SPIDR: variants seen among roughly 807,000 people sequenced by gnomAD.
SPIDR encodes DNA repair-scaffolding protein.
SPIDR carries 93 observed loss-of-function variants against 104.6 expected under a neutral mutation model. The ratio of observed to expected loss-of-function variants is 0.89; its 90% CI spans 0.75 to 1.06. The LOEUF is 1.06. Ranked by LOEUF, SPIDR falls within the 50% of genes least tolerant of loss-of-function variation. SPIDR has a pLI of 0.00. For synonymous variants in SPIDR, 431 were observed against 416.9 expected (o/e 1.03, Z -0.41); for missense variants, 1,154 against 1,111.2 (o/e 1.04, Z -0.55).
At chr8:47,279,621 G>A (rs1202420664) in intron 1 of SPIDR, among the ~76,000 whole-genome samples, 1 of 152,140 alleles carries the variant, frequency 6.6e-6, no homozygotes, top group Non-Finnish European at 1.5e-5. Context: ...CCAGACTTTG[G>A]AGGGTTGGTG....
At chr8:47,514,849 G>A (rs1029336722) in intron 8 of SPIDR, among the ~76,000 whole-genome samples, 3 of 152,098 alleles carry the variant, frequency 2.0e-5, no homozygotes, top group Non-Finnish European at 4.4e-5. Context: ...ACCTCTGACT[G>A]CTTTCAAAGG....
At chr8:47,731,707 C>G (rs1479056137) in intron 19 of SPIDR, among the ~76,000 whole-genome samples, 1 of 152,208 alleles carries the variant, frequency 6.6e-6, no homozygotes, top group African/African-American at 2.4e-5. Context: ...ACCGACCACA[C>G]AGCAGTGCCT....
chr8:47,273,270 C>T (rs375545333), intron 1 of SPIDR, among the ~76,000 whole-genome samples: 1 of 152,090 alleles, frequency 6.6e-6, no homozygotes, highest in Non-Finnish European at 1.5e-5. Flanking sequence ...TCCTTAGGTT[C>T]GATTAATTTG....
At chr8:47,328,062 T>C (rs1367067384) in intron 5 of SPIDR, among the ~76,000 whole-genome samples, 1 of 151,896 alleles carries the variant, frequency 6.6e-6, no homozygotes, top group Non-Finnish European at 1.5e-5. Flanking sequence ...CAATAGTTTT[T>C]AGTTTTGAAA....
intron 6 of SPIDR, among the ~76,000 whole-genome samples, chr8:47,401,727 G>A (rs1323957319): frequency 6.6e-6 from 1 of 152,094 alleles, no homozygotes; most frequent in African/African-American, 2.4e-5. Flanking sequence ...AAGATCAAAA[G>A]AGACAAAGAA....
intron 8 of SPIDR, among the ~76,000 whole-genome samples, chr8:47,483,335 G>A (rs1442666845): frequency 6.6e-6 from 1 of 151,920 alleles, no homozygotes; most frequent in South Asian, 2.1e-4. Context: ...TTCCTGCCAG[G>A]CAAAAAGAAT....
intron 5 of SPIDR, among the ~76,000 whole-genome samples, chr8:47,370,819 G>GA (rs1176905079): frequency 6.6e-6 from 1 of 151,016 alleles, no homozygotes; most frequent in African/African-American, 2.4e-5. Context: ...CACTGAATAT[G>GA]AAAAAAAAAT....
intron 6 of SPIDR, among the ~76,000 whole-genome samples, chr8:47,403,057 A>G (rs1277284249): frequency 4.6e-5 from 7 of 152,238 alleles, no homozygotes; most frequent in African/African-American, 1.7e-4. Flanking sequence ...GCATACGCAA[A>G]TCAGTAAACG....
intron 2 of SPIDR, among the ~76,000 whole-genome samples, chr8:47,281,466 CA>C (rs2037763340): frequency 6.6e-6 from 1 of 152,214 alleles, no homozygotes; most frequent in Non-Finnish European, 1.5e-5. Flanking sequence ...ACTGCTTTAT[CA>C]ACTAAGTTTA....
At chr8:47,564,203 C>T (rs1052111075) in intron 8 of SPIDR, among the ~76,000 whole-genome samples, 7 of 151,280 alleles carry the variant, frequency 4.6e-5, no homozygotes, top group East Asian at 2.0e-4. Flanking sequence ...CTCAGCCTCC[C>T]GAGTAGCTGG....
chr8:47,543,844 G>A (rs899828947), intron 8 of SPIDR, among the ~76,000 whole-genome samples: 1 of 152,136 alleles, frequency 6.6e-6, no homozygotes, highest in Non-Finnish European at 1.5e-5. Flanking sequence ...AAGCTGGTGG[G>A]CTGTCACATC....
At chr8:47,463,129 C>G (rs1376113773) in intron 8 of SPIDR, among the ~76,000 whole-genome samples, 2 of 152,010 alleles carry the variant, frequency 1.3e-5, no homozygotes, top group Admixed American at 1.3e-4. Context: ...GAGGCTGAGG[C>G]AAGCGGATCA....
At chr8:47,689,557 G>C (rs1435024822) in intron 11 of SPIDR, among the ~76,000 whole-genome samples, 18 of 152,144 alleles carry the variant, frequency 1.2e-4, no homozygotes, top group Non-Finnish European at 2.6e-4. Flanking sequence ...AGGAAAGTGG[G>C]GTTAAAGCTC....
intron 8 of SPIDR, among the ~76,000 whole-genome samples, chr8:47,572,332 A>T (rs1305345043): frequency 6.6e-6 from 1 of 152,252 alleles, no homozygotes; most frequent in Non-Finnish European, 1.5e-5. Context: ...AGTCGATAAG[A>T]TATTATCAGT....
At chr8:47,336,850 T>C (rs1310828421) in intron 5 of SPIDR, among the ~76,000 whole-genome samples, 5 of 152,332 alleles carry the variant, frequency 3.3e-5, no homozygotes, top group Admixed American at 6.5e-5. Context: ...GGAACTGACA[T>C]TTTTCTCTGA....
chr8:47,521,390 A>G (rs922905089), intron 8 of SPIDR, among the ~76,000 whole-genome samples: 4 of 151,898 alleles, frequency 2.6e-5, no homozygotes, highest in South Asian at 4.1e-4. Context: ...CAGAACCTAC[A>G]TGGAAGATAC....
chr8:47,318,249 A>G (rs1350530741), intron 5 of SPIDR, among the ~76,000 whole-genome samples: 1 of 152,232 alleles, frequency 6.6e-6, no homozygotes, highest in Non-Finnish European at 1.5e-5. Flanking sequence ...AAGTCCTTAA[A>G]GGACCTCATG....
chr8:47,574,640 C>G (rs1462787205), intron 8 of SPIDR, among the ~76,000 whole-genome samples: 1 of 151,788 alleles, frequency 6.6e-6, no homozygotes, highest in Non-Finnish European at 1.5e-5. Context: ...ACAAAAATTA[C>G]TTGGGCGTAG....
intron 5 of SPIDR, among the ~76,000 whole-genome samples, chr8:47,300,753 C>T (rs940227377): frequency 2.0e-5 from 3 of 152,156 alleles, no homozygotes; most frequent in African/African-American, 7.2e-5. Flanking sequence ...TGTAGTTGAG[C>T]GGTTTTGAGT....
Sources: allele counts gnomAD v4.1 joint callset (sites outside exome capture counted in the v4.1 genomes callset), GRCh38; gene constraint gnomAD v4.1.1; transcripts MANE v1.5; gene names NCBI Gene and HGNC (gene_info 2026-07-23, HGNC 2026-07-21).